Variants in CROCC2 observed in about 807,000 individuals in gnomAD.
The protein encoded by CROCC2 is ciliary rootlet coiled-coil, rootletin family member 2.
In CROCC2, 163 loss-of-function variants were observed where a neutral mutation model predicts 177.6. The observed-to-expected ratio is 0.92, with a 90% CI of 0.81 to 1.05. CROCC2 has a LOEUF of 1.05. CROCC2 is among the 50% of genes least tolerant of loss of function. The pLI is 0.00. For missense variants in CROCC2, 1,929 were observed against 1,797.8 expected (o/e 1.07, Z -1.32); for synonymous variants, 904 against 787.3 (o/e 1.15, Z -2.48).
intron 28 of CROCC2, among the ~76,000 whole-genome samples, chr2:240,987,100 G>C (rs1490515017): frequency 4.6e-5 from 7 of 152,254 alleles, no homozygotes; most frequent in Non-Finnish European, 1.0e-4. Flanking sequence ...TATTACTGAA[G>C]GGGGCCCAGC....
chr2:240,967,093 A>G (rs1010121655), intron 25 of CROCC2, among the ~76,000 whole-genome samples: 23 of 151,222 alleles, frequency 1.5e-4, no homozygotes, highest in Admixed American at 5.9e-4. Flanking sequence ...TGTGCTTGAA[A>G]CCTGGACCCT....
intron 31 of CROCC2, among the ~76,000 whole-genome samples, chr2:240,992,299 C>A (rs2059885029): frequency 6.6e-6 from 1 of 152,160 alleles, no homozygotes; most frequent in Non-Finnish European, 1.5e-5. Flanking sequence ...GGCCTCCCGT[C>A]CCAGTCGCAA....
rs749832738 is a variant in CROCC2 at position 240,959,558 on chromosome 2, G to A, written c.3087+114G>A. On this transcript the variant is annotated intron_variant, in intron 20 of 31. Transcript: ENST00000690015. The stretch of plus-strand genomic sequence containing the variant: ...AGGAGGAAAGAGAGGCTGTACCACA[G>A]AGAAGGGAAGAGTAGTCCCTGGGAC... 688 of 1,327,498 alleles carry A rather than the reference G, an allele frequency of 5.2e-4. 1 individual carries two copies. The highest frequency in any genetic ancestry group is 8.9e-4 in the Admixed American group (33 of 37,288). 82.2% of individuals were successfully genotyped at this position (1,327,498 alleles called of 1,614,324 possible). A position where few individuals can be genotyped will look rare whatever the true frequency, so the allele number is the denominator to read the frequency against.
At chr2:240,910,906 G>A (rs549862337) in intron 1 of CROCC2, among the ~76,000 whole-genome samples, 72 of 152,190 alleles carry the variant, frequency 4.7e-4, no homozygotes, top group African/African-American at 1.5e-3. Flanking sequence ...TAAGGCGGGC[G>A]GATCGCTTGA....
At chr2:240,967,663 C>A (rs2059692198) in intron 26 of CROCC2, 198 bp downstream of exon 26, 17 of 817,242 alleles carry the variant, frequency 2.1e-5, no homozygotes, top group Non-Finnish European at 2.4e-5. Context: ...CAGCGACTTC[C>A]CCAGCACAGA....
chr2:240,967,879 C>T (rs2059694014), intron 26 of CROCC2, among the ~76,000 whole-genome samples: 1 of 151,932 alleles, frequency 6.6e-6, no homozygotes, highest in Non-Finnish European at 1.5e-5. Flanking sequence ...GAGGCCCCTT[C>T]CTTCTGCCCC....
rs535377370 is a variant in CROCC2 at position 240,934,120 on chromosome 2, C to T, written c.1647-211C>T. On this transcript the variant is annotated intron_variant, in intron 11 of 31. Coordinates refer to ENST00000690015, the MANE Select transcript of CROCC2 (RefSeq NM_001351305.2). The stretch of plus-strand genomic sequence containing the variant: ...ATCAGATGTGGGGCCCCACCCCTCC[C>T]GTCCCCCCGGAGGCACTTGTGCCTC... Among the ~76,000 whole-genome samples the T allele has an allele frequency of 2.0e-5, 3 of 152,236 alleles. No individual in the cohort carries two copies. In the East Asian group the frequency reaches 5.8e-4, roughly 30 times the overall value.
At chr2:240,988,945 G>C in intron 29 of CROCC2, 75 bp downstream of exon 29, 1 of 1,315,840 alleles carries the variant, frequency 7.6e-7, no homozygotes, top group Non-Finnish European at 9.8e-7. Context: ...GAGGGTGTCA[G>C]TTCCAGAGGG....
chr2:240,916,039 C>T (rs1439972124), intron 1 of CROCC2, among the ~76,000 whole-genome samples: 3 of 152,076 alleles, frequency 2.0e-5, no homozygotes, highest in African/African-American at 7.2e-5. Flanking sequence ...CCACAGGTCG[C>T]GGAGGGGACG....
Position 240,968,202 on chromosome 2 carries a change from G to C in CROCC2, c.4341G>C (p.Arg1447Ser). 2.0e-6 allele frequency: 3 copies of C among 1,533,226 alleles called. No homozygotes were observed. Among genetic ancestry groups the C allele is most frequent in the Non-Finnish European group, 2.6e-6 (3 of 1,145,366 alleles). 95.0% of individuals were successfully genotyped at this position (1,533,226 alleles called of 1,614,324 possible). ...CCCTGCAGAAGGAGGCGCTCCGCAGGCTGGAGTTGGAGCACCTGGCGAGCG... is the reference window on the plus strand; with the variant it reads ...CCCTGCAGAAGGAGGCGCTCCGCAGCCTGGAGTTGGAGCACCTGGCGAGCG... ...ARALQKEALR[R>S]LELEHLASVR... The change falls in exon 27 of 32, where the codon AGG (arginine) becomes AGC (serine). Residue 1447 changes from arginine (R) to serine (S), a missense_variant. Arg to Ser is a moderately radical substitution (Grantham distance 110, BLOSUM62 -1). Transcript: ENST00000690015.
rs549529537 is a variant in CROCC2, at chr2:240,991,787, G to A, written c.4946+509G>A. Among the ~76,000 whole-genome samples the A allele has an allele frequency of 8.5e-5, 13 of 152,326 alleles. No homozygotes were observed. The South Asian group carries it at 2.3e-3, about 27-fold the overall frequency. ...CAGGCCCTGTCAGGCTGGCTTCCCC[G>A]GCTTCATTCCGTGCCCTCAGCTCTG... On this transcript the variant is annotated intron_variant, in intron 31 of 31. Coordinates refer to ENST00000690015, the MANE Select transcript of CROCC2 (RefSeq NM_001351305.2).
At position 240,949,147 on chromosome 2, in the gene CROCC2, G is replaced by A; in HGVS notation, c.2482+50G>A. On this transcript the variant is annotated intron_variant, in intron 16 of 31. Coordinates refer to ENST00000690015, the MANE Select transcript of CROCC2 (RefSeq NM_001351305.2). The surrounding 1 kb of genome is among the most constrained non-coding windows in gnomAD (Gnocchi z 4.5). Reference sequence around the variant, plus strand: ...TCCTTCCCCGAAAGTCAGCCATGGAGGGGCCCCTGGAATGGAGCTCAGTGC... The same window carrying A: ...TCCTTCCCCGAAAGTCAGCCATGGAAGGGCCCCTGGAATGGAGCTCAGTGC... 1 of 1,479,700 alleles carries A rather than the reference G, an allele frequency of 6.8e-7. No individual in the cohort carries two copies. Among genetic ancestry groups the A allele is most frequent in the Non-Finnish European group, 8.9e-7 (1 of 1,117,402 alleles). 91.7% of individuals were successfully genotyped at this position (1,479,700 alleles called of 1,614,324 possible).
chr2:240,929,118 G>C (rs2059412006), intron 5 of CROCC2, among the ~76,000 whole-genome samples: 1 of 152,120 alleles, frequency 6.6e-6, no homozygotes, highest in African/African-American at 2.4e-5. Context: ...CAGGTGTTAT[G>C]GGCTCAGCTG....
At chr2:240,950,729 A>T in intron 18 of CROCC2, 1 of 514,170 alleles carries the variant, frequency 1.9e-6, no homozygotes, top group Non-Finnish European at 3.4e-6. Context: ...CCACCCATCC[A>T]CTTGCCCATC....
At position 240,915,248 on chromosome 2, in the gene CROCC2, C is replaced by G. The variant is rs555375302; in HGVS notation, c.79-3478C>G. On this transcript the variant is annotated intron_variant, in intron 1 of 31. Transcript: ENST00000690015. Reference sequence around the variant, plus strand: ...AAGAGGAGAGGCCCTGGTAGCAGCCCTGAAACCCCCGGTCCCCAGCAAGTG... The same window carrying G: ...AAGAGGAGAGGCCCTGGTAGCAGCCGTGAAACCCCCGGTCCCCAGCAAGTG... Among the ~76,000 whole-genome samples, 5 of 152,332 alleles carry G rather than the reference C, an allele frequency of 3.3e-5. No homozygotes were observed. In the East Asian group the frequency reaches 9.7e-4, roughly 29 times the overall value.
At chr2:240,939,934 T>G (rs117664621) in intron 14 of CROCC2, among the ~76,000 whole-genome samples, 2 of 152,332 alleles carry the variant, frequency 1.3e-5, no homozygotes, top group East Asian at 3.9e-4. Context: ...TGGATTTAAA[T>G]GTATTATGTC....
chr2:240,948,224 G>A (rs551470429), intron 15 of CROCC2, among the ~76,000 whole-genome samples: 2 of 152,238 alleles, frequency 1.3e-5, no homozygotes, highest in South Asian at 4.1e-4. Flanking sequence ...GTCTCTGGGG[G>A]TTCTGACCTG....
At chr2:240,976,511 T>G (rs1216933194) in intron 27 of CROCC2, among the ~76,000 whole-genome samples, 3 of 115,090 alleles carry the variant, frequency 2.6e-5, no homozygotes, top group Non-Finnish European at 5.4e-5. Flanking sequence ...CCCTGCTCAG[T>G]CTCTGGGGTA....
chr2:240,956,056 G>C, intron 19 of CROCC2, 84 bp downstream of exon 19: 1 of 989,482 alleles, frequency 1.0e-6, no homozygotes, highest in Non-Finnish European at 1.5e-6. Flanking sequence ...CCTGGTCCCA[G>C]TGGCATGACC....
Sources: gnomAD v4.1 joint callset for allele counts (sites outside exome capture counted in the v4.1 genomes callset) on GRCh38, gnomAD v4.1.1 for gene constraint, Gnocchi (gnomAD v3.1) non-coding constraint, MANE v1.5 for transcripts, NCBI Gene and HGNC (gene_info 2026-07-23, HGNC 2026-07-21) for gene names.